The following DDX47 variants were observed in gnomAD, a reference collection of about 807,000 sequenced individuals.
DDX47 encodes probable ATP-dependent RNA helicase DDX47.
Under a neutral mutation model 58.8 loss-of-function variants are expected in DDX47, and 60 were observed. The ratio of observed to expected loss-of-function variants is 1.02; its 90% CI spans 0.83 to 1.26. The LOEUF (loss-of-function observed/expected upper bound fraction) is 1.26, where lower values mean the gene tolerates loss of function less well. DDX47 is among the 50% of genes most tolerant of loss of function. The probability of loss-of-function intolerance (pLI) is 0.00; values close to 1 mark genes in which losing one functional copy is unlikely to be tolerated. For missense variants in DDX47, 530 were observed against 573.2 expected, an observed-to-expected ratio of 0.92 and a Z score of 0.77; for synonymous variants, 197 against 204.6, an observed-to-expected ratio of 0.96 and a Z score of 0.32.
At position 12,829,581 on chromosome 12, in the gene DDX47, C is replaced by A; in HGVS notation, c.*27C>A. The A allele has an allele frequency of 6.2e-7, 1 of 1,607,518 alleles. No individual in the cohort carries two copies. The highest frequency in any genetic ancestry group is 2.2e-5 in the East Asian group (1 of 44,772). On this transcript the variant is annotated 3_prime_UTR_variant, in exon 12 of 12. Transcript: ENST00000358007. ...CACTTTTATGAAGGCTCGAGTTCTG[C>A]TGTTCTGTAAAAGAGAATTGGAGAA...
At chr12:12,824,985 C>T (rs1863028944) in intron 9 of DDX47, 1 of 207,048 alleles carries the variant, frequency 4.8e-6, no homozygotes, top group Non-Finnish European at 9.7e-6. Flanking sequence ...GGCGGAGTCT[C>T]GCTCTGAGTT....
At chr12:12,821,105 A>G (rs571365417) in intron 2 of DDX47, 103 bp from the exon 3 acceptor site, 833 of 1,180,726 alleles carry the variant, frequency 7.1e-4, no homozygotes, top group Non-Finnish European at 9.4e-4. Flanking sequence ...AGTTCATCAG[A>G]TATTTATTAA....
intron 2 of DDX47, among the ~76,000 whole-genome samples, chr12:12,814,812 A>C (rs2136417555): frequency 6.6e-6 from 1 of 152,118 alleles, no homozygotes; most frequent in South Asian, 2.1e-4. Context: ...CTCCCAAGTA[A>C]TGGATTACAG....
At chr12:12,821,063 C>A in intron 2 of DDX47, 145 bp from the exon 3 acceptor site, 1 of 793,192 alleles carries the variant, frequency 1.3e-6, no homozygotes, top group Non-Finnish European at 2.0e-6. Flanking sequence ...GAGGCCATGT[C>A]TTTTCTGTTT....
rs1592322938 is a variant in DDX47, at chr12:12,821,545, G to T, written c.371-110G>T. The T allele has an allele frequency of 2.8e-6, 4 of 1,421,874 alleles. No homozygotes were observed. In the East Asian group the frequency reaches 9.2e-5, roughly 33 times the overall value. 88.1% of individuals were successfully genotyped at this position (1,421,874 alleles called of 1,614,324 possible). A position where few individuals can be genotyped will look rare whatever the true frequency, so the allele number is the denominator to read the frequency against. On this transcript the variant is annotated intron_variant, in intron 3 of 11. Transcript: ENST00000358007. ...TTGAGCTTTGGGAAGAGTATTAATTGTAAGGGAAGAACAAATCTAAGTAGA... is the reference window on the plus strand; with the variant it reads ...TTGAGCTTTGGGAAGAGTATTAATTTTAAGGGAAGAACAAATCTAAGTAGA...
In DDX47 at chr12:12,817,892, A is replaced by G. The variant is rs541815503; in HGVS notation, c.182-3316A>G. 2.0e-4 allele frequency among the ~76,000 whole-genome samples: 30 copies of G among 152,276 alleles called. No individual in the cohort carries two copies. In the South Asian group the frequency reaches 5.2e-3, roughly 26 times the overall value. On this transcript the variant is annotated intron_variant, in intron 2 of 11. Coordinates refer to ENST00000358007, the MANE Select transcript of DDX47 (RefSeq NM_016355.4). ...GCAGTGCTTATTGCTTCATGAACTA[A>G]GCGACTTCAGCTCCTTTACTTCCCT...
Position 12,827,269 on chromosome 12 carries a change from G to A in DDX47, c.1130G>A (p.Arg377His), listed in dbSNP as rs557371913. Residue 377 changes from arginine to histidine, a missense_variant, in exon 11 of 12, where the codon CGC becomes CAC. By Grantham distance (29) the Arg-to-His change is conservative. Transcript: ENST00000358007. ...VTQYDVELFQ[R>H]IEHLIGKKLP... is the part of the protein sequence containing the mutation. ...AGGTATGATGTGGAACTCTTCCAGC[G>A]CATAGAACACTTAATTGGGAAGAAA... 2.8e-5 allele frequency: 46 copies of A among 1,614,052 alleles called. 1 individual carries two copies. The South Asian group carries it at 3.0e-4, about 10-fold the overall frequency.
At chr12:12,827,929 C>T (rs986137742) in intron 11 of DDX47, among the ~76,000 whole-genome samples, 5 of 130,086 alleles carry the variant, frequency 3.8e-5, no homozygotes, top group African/African-American at 8.7e-5. Flanking sequence ...CAGGCTGGAG[C>T]GAATGGTGCA....
Position 12,823,269 on chromosome 12 carries a change from A to C in DDX47, c.700A>C (p.Thr234Pro). 6.2e-7 allele frequency: 1 copy of C among 1,613,410 alleles called. No homozygotes were observed. Among genetic ancestry groups the C allele is most frequent in the South Asian group, 1.1e-5 (1 of 91,054 alleles). Reference sequence around the variant, plus strand: ...ATGTGCCGTTTCCTCTAAATACCAGACAGTTGAAAAATTACAGCAATATTA... The same window carrying C: ...ATGTGCCGTTTCCTCTAAATACCAGCCAGTTGAAAAATTACAGCAATATTA... ...VKCAVSSKYQTVEKLQQYYIF... is the reference protein window; with the variant it reads ...VKCAVSSKYQPVEKLQQYYIF... The change falls in exon 7 of 12, where the codon ACA (threonine) becomes CCA (proline). Residue 234 changes from threonine (T) to proline (P), a missense_variant. Coordinates refer to ENST00000358007, the MANE Select transcript of DDX47 (RefSeq NM_016355.4).
At chr12:12,827,595 C>G (rs1863071280) in intron 11 of DDX47, among the ~76,000 whole-genome samples, 1 of 152,324 alleles carries the variant, frequency 6.6e-6, no homozygotes, top group South Asian at 2.1e-4. Flanking sequence ...TTCACACATT[C>G]ACAGCACCTG....
chr12:12,827,191 T>C, intron 10 of DDX47, 55 bp from the exon 11 acceptor site: 3 of 1,588,968 alleles, frequency 1.9e-6, no homozygotes, highest in Non-Finnish European at 1.7e-6. Context: ...AGTTTGGGAA[T>C]GGACAGGCAT....
chr12:12,824,627 A>G lies in DDX47; in HGVS notation c.985A>G (p.Ile329Val), dbSNP rs746182295. ...TGACGTTGCCAGCCGAGGTTTGGAC[A>G]TACCTCATGTAGATGTGGTTGTCAA... ...ATDVASRGLD[I>V]PHVDVVVNFD... The change falls in exon 9 of 12, where the codon ATA becomes GTA. Residue 329 changes from isoleucine (I) to valine (V), a missense_variant. Physicochemically the swap from Ile to Val is conservative, Grantham distance 29. Transcript: ENST00000358007. The G allele has an allele frequency of 6.2e-7, 1 of 1,614,240 alleles. No individual in the cohort carries two copies. Among genetic ancestry groups the G allele is most frequent in the Non-Finnish European group, 8.5e-7 (1 of 1,180,032 alleles).
At chr12:12,818,688 C>T (rs902785066) in intron 2 of DDX47, among the ~76,000 whole-genome samples, 2 of 152,088 alleles carry the variant, frequency 1.3e-5, no homozygotes, top group Non-Finnish European at 1.5e-5. Flanking sequence ...CAGACACACC[C>T]GAGACTGGGA....
rs1219721154 is a variant in DDX47 at position 12,829,563 on chromosome 12, A to G, written c.*9A>G. Reference sequence around the variant, plus strand: ...AGCGGAAAGGCCGTTAATCACTTTTATGAAGGCTCGAGTTCTGCTGTTCTG... The same window carrying G: ...AGCGGAAAGGCCGTTAATCACTTTTGTGAAGGCTCGAGTTCTGCTGTTCTG... On this transcript the variant is annotated 3_prime_UTR_variant, in exon 12 of 12. Transcript: ENST00000358007. 3 of 1,612,818 alleles carry G rather than the reference A, an allele frequency of 1.9e-6. No homozygotes were observed. The highest frequency in any genetic ancestry group is 2.5e-6 in the Non-Finnish European group (3 of 1,179,616).
chr12:12,825,794 A>C (rs932436062), intron 9 of DDX47, among the ~76,000 whole-genome samples: 2 of 152,172 alleles, frequency 1.3e-5, no homozygotes, highest in Admixed American at 6.5e-5. Flanking sequence ...GAAAGAAGGG[A>C]AAGCATTGGA....
At chr12:12,825,525 G>C (rs1474689674) in intron 9 of DDX47, among the ~76,000 whole-genome samples, 1 of 152,106 alleles carries the variant, frequency 6.6e-6, no homozygotes, top group Non-Finnish European at 1.5e-5. Flanking sequence ...TCTTGTCTTT[G>C]TATTTAACTG....
At chr12:12,817,032 T>C (rs1295564496) in intron 2 of DDX47, among the ~76,000 whole-genome samples, 1 of 152,238 alleles carries the variant, frequency 6.6e-6, no homozygotes, top group Non-Finnish European at 1.5e-5. Context: ...TCTTTATCCT[T>C]ATTCTTGGGT....
chr12:12,827,320 A>G lies in DDX47; in HGVS notation c.1181A>G (p.Asp394Gly), dbSNP rs144312388. The change falls in exon 11 of 12, where the codon GAT (aspartate) becomes GGT (glycine). Residue 394 changes from aspartate to glycine, a missense_variant. Transcript: ENST00000358007. ...KKLPGFPTQD[D>G]EVMMLTERVA... is the part of the protein sequence containing the mutation. ...CTACCAGGTTTTCCAACACAGGATG[A>G]TGAGGTTATGATGCTGACAGAACGC... is the stretch of plus-strand genomic sequence containing the variant. 1.2e-4 allele frequency: 189 copies of G among 1,614,174 alleles called. No homozygotes were observed. The African/African-American group carries it at 2.4e-3, about 20-fold the overall frequency.
intron 6 of DDX47, 35 bp downstream of exon 6, chr12:12,822,767 G>A: frequency 1.3e-6 from 2 of 1,539,286 alleles, no homozygotes; most frequent in Non-Finnish European, 1.8e-6. Context: ...TCTTCTTTAT[G>A]AGAATTGATA....
Sources: allele counts gnomAD v4.1 joint callset (sites outside exome capture counted in the v4.1 genomes callset), GRCh38; gene constraint gnomAD v4.1.1; transcripts MANE v1.5; gene names NCBI Gene and HGNC (gene_info 2026-07-23, HGNC 2026-07-21).